The following STXBP4 variants were observed in gnomAD, a reference collection of about 807,000 sequenced individuals.
STXBP4 encodes the protein syntaxin binding protein 4, also known as syntaxin-binding protein 4.
STXBP4 carries 55 observed loss-of-function variants against 76.1 expected under a neutral mutation model. The ratio of observed to expected loss-of-function variants is 0.72; its 90% confidence interval spans 0.58 to 0.91. STXBP4 has a LOEUF of 0.91. Among genes scored for constraint, STXBP4 ranks in the 40% least tolerant of loss-of-function variants. STXBP4 has a pLI of 0.00. For missense variants in STXBP4, 618 were observed against 636.9 expected (o/e 0.97, Z 0.32); for synonymous variants, 201 against 220.2 (o/e 0.91, Z 0.77).
chr17:55,200,510 C>A, the STXBP4 span, among the ~76,000 whole-genome samples: 1 of 152,154 alleles, frequency 6.6e-6, no homozygotes, highest in African/African-American at 2.4e-5. Context: ...CTTTTTGTTT[C>A]CTGTGTTATA....
At chr17:54,974,436 G>C (rs1201700316) in intron 1 of STXBP4, among the ~76,000 whole-genome samples, 1 of 152,150 alleles carries the variant, frequency 6.6e-6, no homozygotes, top group East Asian at 1.9e-4. Context: ...ATCTTTTTGA[G>C]GAACTACTCC....
chr17:55,071,579 CT>C (rs1303137885), intron 12 of STXBP4, among the ~76,000 whole-genome samples: 4 of 152,174 alleles, frequency 2.6e-5, no homozygotes, highest in African/African-American at 9.7e-5. Context: ...TACTGTCTAT[CT>C]CCCCAAACTT....
chr17:54,974,352 C>T (rs2077439452), intron 1 of STXBP4, among the ~76,000 whole-genome samples: 1 of 152,190 alleles, frequency 6.6e-6, no homozygotes, highest in South Asian at 2.1e-4. Context: ...AATTAGTGCA[C>T]AATAATGCCC....
chr17:55,194,761 C>G, the STXBP4 span, among the ~76,000 whole-genome samples: 1 of 152,138 alleles, frequency 6.6e-6, no homozygotes, highest in Non-Finnish European at 1.5e-5. Flanking sequence ...AATGTCAGGC[C>G]TTTTATATTC....
chr17:55,048,006 A>G (rs2144764424), intron 12 of STXBP4, among the ~76,000 whole-genome samples: 1 of 151,996 alleles, frequency 6.6e-6, no homozygotes, highest in South Asian at 2.1e-4. Flanking sequence ...TGAAGAACAA[A>G]CAAAATCACC....
At chr17:55,102,444 A>G (rs968905356) in intron 16 of STXBP4, among the ~76,000 whole-genome samples, 13 of 152,184 alleles carry the variant, frequency 8.5e-5, no homozygotes, top group African/African-American at 2.9e-4. Context: ...TGTCTCAGCA[A>G]AGGGCATGAA....
rs1309027812 is a variant in STXBP4 at position 55,170,114 on chromosome 17, C to A, written c.*10203C>A. On this transcript the variant is annotated 3_prime_UTR_variant, in exon 18 of 18. Transcript: ENST00000376352. Reference sequence around the variant, plus strand: ...CACCACAAACATTCTGGAAAGCAGTCTTGGAACATCTATCAAAGGCCTTAA... The same window carrying A: ...CACCACAAACATTCTGGAAAGCAGTATTGGAACATCTATCAAAGGCCTTAA... 1 of 152,158 alleles carries A rather than the reference C, an allele frequency of 6.6e-6. No homozygotes were observed. Among genetic ancestry groups the A allele is most frequent in the Non-Finnish European group, 1.5e-5 (1 of 68,018 alleles). 9.4% of individuals were successfully genotyped at this position (152,158 alleles called of 1,614,324 possible). A position where few individuals can be genotyped will look rare whatever the true frequency, so the allele number is the denominator to read the frequency against.
intron 4 of STXBP4, among the ~76,000 whole-genome samples, chr17:54,993,207 A>G (rs1205469483): frequency 4.6e-5 from 7 of 152,230 alleles, no homozygotes; most frequent in Non-Finnish European, 1.0e-4. Context: ...TTAAAAGGCA[A>G]AATTTTCTCA....
chr17:55,177,657 A>G (rs2080436022), downstream of STXBP4, among the ~76,000 whole-genome samples: 1 of 152,250 alleles, frequency 6.6e-6, no homozygotes, highest in African/African-American at 2.4e-5. Context: ...TGTGTGGCAC[A>G]TGATTGCTGT....
At chr17:54,989,147 G>T (rs1453718541) in intron 3 of STXBP4, among the ~76,000 whole-genome samples, 2 of 152,148 alleles carry the variant, frequency 1.3e-5, no homozygotes, top group Non-Finnish European at 2.9e-5. Context: ...TCGCTCTGTT[G>T]CCCAGGCTGG....
chr17:55,186,899 A>G, the STXBP4 span, among the ~76,000 whole-genome samples: 1 of 152,204 alleles, frequency 6.6e-6, no homozygotes, highest in Non-Finnish European at 1.5e-5. Flanking sequence ...CAAAAGAGAC[A>G]GCAAGCAAAA....
chr17:55,122,330 A>G (rs1279479540), intron 16 of STXBP4, among the ~76,000 whole-genome samples: 1 of 152,236 alleles, frequency 6.6e-6, no homozygotes, highest in East Asian at 1.9e-4. Context: ...CAGAAGTACC[A>G]TAGAGGAGGG....
chr17:55,022,214 T>A (rs1017636906), intron 8 of STXBP4, among the ~76,000 whole-genome samples: 2 of 152,192 alleles, frequency 1.3e-5, no homozygotes, highest in Non-Finnish European at 2.9e-5. Context: ...AACTTTTAGA[T>A]GTTATTCACT....
chr17:55,207,729 A>G, the STXBP4 span, among the ~76,000 whole-genome samples: 2 of 152,222 alleles, frequency 1.3e-5, no homozygotes, highest in Admixed American at 1.3e-4. Context: ...CAAATCTGAA[A>G]CAATAGGAAA....
At chr17:55,013,439 A>G (rs936956397) in intron 8 of STXBP4, among the ~76,000 whole-genome samples, 3 of 152,210 alleles carry the variant, frequency 2.0e-5, no homozygotes, top group Admixed American at 6.5e-5. Flanking sequence ...CATACCTGGG[A>G]ATCCATATTC....
chr17:55,131,015 A>G (rs773545201), intron 16 of STXBP4, among the ~76,000 whole-genome samples: 1 of 152,200 alleles, frequency 6.6e-6, no homozygotes, highest in Non-Finnish European at 1.5e-5. Flanking sequence ...ACAGATTTCA[A>G]TTTCTTTGGG....
the STXBP4 span, among the ~76,000 whole-genome samples, chr17:55,192,298 G>T: frequency 4.5e-3 from 685 of 152,242 alleles, 7 homozygotes; most frequent in African/African-American, 0.016. Flanking sequence ...AAACTCACAG[G>T]TATCCTGGAA....
chr17:55,109,656 T>C (rs1344615522), intron 16 of STXBP4, among the ~76,000 whole-genome samples: 2 of 146,252 alleles, frequency 1.4e-5, no homozygotes, highest in Non-Finnish European at 3.0e-5. Flanking sequence ...TTATATGGAG[T>C]TTCACTCTTG....
chr17:55,188,708 G>A, the STXBP4 span, among the ~76,000 whole-genome samples: 78,165 of 152,058 alleles, frequency 0.51, 20,998 homozygotes, highest in South Asian at 0.61. Context: ...CAATTGAAGT[G>A]CAGAGATCCT....
Sources: allele counts gnomAD v4.1 joint callset (sites outside exome capture counted in the v4.1 genomes callset), GRCh38; gene constraint gnomAD v4.1.1; transcripts MANE v1.5; gene names NCBI Gene and HGNC (gene_info 2026-07-23, HGNC 2026-07-21).